The following XPA variants were observed in gnomAD, a reference collection of about 807,000 sequenced individuals.
The protein encoded by XPA is DNA repair protein complementing XP-A cells.
XPA carries 27 observed loss-of-function variants against 35.7 expected under a neutral mutation model. The ratio of observed to expected loss-of-function variants is 0.76; its 90% CI spans 0.56 to 1.04. XPA has a LOEUF of 1.04. Ranked by LOEUF, XPA falls within the 50% of genes least tolerant of loss-of-function variation. XPA has a pLI of 0.00. For synonymous variants in XPA, 133 were observed against 118.4 expected, an observed-to-expected ratio of 1.12 and a Z score of -0.80; for missense variants, 354 against 342.7, an observed-to-expected ratio of 1.03 and a Z score of -0.26.
At chr9:97,668,879 A>G in the XPA span, 1 of 1,613,768 alleles carries the variant, frequency 6.2e-7, no homozygotes, top group Admixed American at 1.7e-5. Context: ...CAGTGACAGG[A>G]AAGACGGGGT....
chr9:97,691,715 A>G (rs985745641), intron 2 of XPA, among the ~76,000 whole-genome samples: 2 of 151,736 alleles, frequency 1.3e-5, no homozygotes, highest in African/African-American at 2.4e-5. Flanking sequence ...CTCCGTCTCA[A>G]AAACAAAAAC....
intron 1 of XPA, 46 bp downstream of exon 1, chr9:97,697,075 G>A (rs760668951): frequency 2.0e-6 from 3 of 1,502,710 alleles, no homozygotes; most frequent in African/African-American, 1.4e-5. Context: ...TCTGGGGACC[G>A]GGGAGGCGGG....
At chr9:97,685,428 G>A (rs1357091396) in intron 4 of XPA, among the ~76,000 whole-genome samples, 4 of 152,070 alleles carry the variant, frequency 2.6e-5, no homozygotes, top group Non-Finnish European at 5.9e-5. Flanking sequence ...ATCTCCAACC[G>A]CAGGAAATTA....
downstream of XPA, chr9:97,671,448 C>G (rs1828191161): frequency 2.6e-6 from 1 of 379,500 alleles, no homozygotes; most frequent in African/African-American, 2.1e-5. Flanking sequence ...TCTCTGTGAT[C>G]AGTTTGTTAT....
the XPA span, chr9:97,656,057 G>C: frequency 1.2e-6 from 2 of 1,614,004 alleles, no homozygotes; most frequent in Non-Finnish European, 1.7e-6. Flanking sequence ...ACCGAAGTTT[G>C]TAAGAGAAGT....
In XPA at chr9:97,697,158, G is replaced by A; in HGVS notation, c.135C>T (p.Ala45=). The A allele has an allele frequency of 6.4e-7, 1 of 1,571,956 alleles. No individual in the cohort carries two copies. The highest frequency in any genetic ancestry group is 1.8e-5 in the Admixed American group (1 of 55,104). ...ALMLRQARLA[A]RPYSATAAAA... is the part of the protein sequence containing the mutation. The stretch of plus-strand genomic sequence containing the variant: ...CAGCCGCCGTCGCCGAGTAGGGCCG[G>A]GCAGCCAGCCGGGCCTGGCGCAGCA... Residue 45 remains alanine (A), a synonymous_variant, in exon 1 of 6, where the codon GCC becomes GCT. Coordinates refer to ENST00000375128, the MANE Select transcript of XPA (RefSeq NM_000380.4).
intron 5 of XPA, among the ~76,000 whole-genome samples, chr9:97,677,526 A>T (rs186988830): frequency 7.2e-4 from 109 of 152,102 alleles, no homozygotes; most frequent in African/African-American, 2.3e-3. Flanking sequence ...AATAAATAAA[A>T]AATTAAAAAA....
At chr9:97,675,739 A>G (rs1308246423) in intron 5 of XPA, 152 bp from the exon 6 acceptor site, 6 of 1,013,144 alleles carry the variant, frequency 5.9e-6, no homozygotes, top group Non-Finnish European at 8.8e-6. Flanking sequence ...AACAAAGTTG[A>G]TTATACAAAC....
At chr9:97,697,091 G>A (rs920381488) in intron 1 of XPA, 30 bp downstream of exon 1, 2 of 1,518,822 alleles carry the variant, frequency 1.3e-6, no homozygotes, top group South Asian at 2.5e-5. Context: ...GCGGGGAGAG[G>A]GAAGGGGAAA....
chr9:97,671,670 A>C (rs1363587338), downstream of XPA: 1 of 152,442 alleles, frequency 6.6e-6, no homozygotes, highest in Non-Finnish European at 1.5e-5. Context: ...ACTCTACTCT[A>C]AAACTGGTGG....
the XPA span, among the ~76,000 whole-genome samples, chr9:97,662,314 G>A: frequency 4.6e-5 from 7 of 152,294 alleles, no homozygotes; most frequent in Admixed American, 2.6e-4. Context: ...TAAGGCTTCC[G>A]TCAGTCTGTT....
At chr9:97,694,811 T>TAC (rs1828993944) in intron 1 of XPA, among the ~76,000 whole-genome samples, 1 of 152,112 alleles carries the variant, frequency 6.6e-6, no homozygotes, top group African/African-American at 2.4e-5. Flanking sequence ...AAAGAATGTG[T>TAC]ACAGAGGTTT....
chr9:97,659,155 C>G, the XPA span, among the ~76,000 whole-genome samples: 1 of 152,200 alleles, frequency 6.6e-6, no homozygotes, highest in South Asian at 2.1e-4. Context: ...GATTTTCTTA[C>G]CTTTTGGTCA....
At chr9:97,674,398 T>G (rs887477803), downstream of XPA, among the ~76,000 whole-genome samples, 17 of 152,120 alleles carry the variant, frequency 1.1e-4, no homozygotes, top group Admixed American at 7.2e-4. Flanking sequence ...TGACTTAGCC[T>G]TTCTCCAAGC....
chr9:97,671,042 T>C (rs1267132990), downstream of XPA: 1 of 1,310,984 alleles, frequency 7.6e-7, no homozygotes, highest in Non-Finnish European at 1.1e-6. Context: ...AGATTGCTTA[T>C]ATGCTTTTTC....
At chr9:97,695,721 C>A (rs1829023066) in intron 1 of XPA, among the ~76,000 whole-genome samples, 1 of 152,086 alleles carries the variant, frequency 6.6e-6, no homozygotes, top group African/African-American at 2.4e-5. Context: ...TCATGGCACA[C>A]AGAGAAAAAG....
chr9:97,691,742 G>A (rs1019745659), intron 2 of XPA, among the ~76,000 whole-genome samples: 18 of 151,580 alleles, frequency 1.2e-4, no homozygotes, highest in Non-Finnish European at 2.4e-4. Context: ...AATTAGCCAG[G>A]CATGGTAGTG....
intron 3 of XPA, among the ~76,000 whole-genome samples, chr9:97,688,352 A>C (rs1449234762): frequency 6.6e-6 from 1 of 152,106 alleles, no homozygotes; most frequent in South Asian, 2.1e-4. Context: ...CACTAATCGC[A>C]TGTCCCTCTG....
intron 3 of XPA, 85 bp from the exon 4 acceptor site, chr9:97,687,346 A>G (rs1828752209): frequency 3.3e-6 from 4 of 1,228,244 alleles, no homozygotes; most frequent in Admixed American, 2.6e-5. Context: ...AGGGGCACAC[A>G]CAGCAAAAAG....
Sources: gnomAD v4.1 joint callset for allele counts (sites outside exome capture counted in the v4.1 genomes callset) on GRCh38, gnomAD v4.1.1 for gene constraint, MANE v1.5 for transcripts, NCBI Gene and HGNC (gene_info 2026-07-23, HGNC 2026-07-21) for gene names.